NOC4L: variants seen among roughly 807,000 people sequenced by gnomAD.
NOC4L encodes nucleolar complex associated 4 homolog.
Under a neutral mutation model 62.8 loss-of-function variants are expected in NOC4L, and 40 were observed. That is an observed-to-expected ratio of 0.64 (90% CI 0.49 to 0.83). The LOEUF is 0.83. NOC4L is among the 40% of genes least tolerant of loss of function. The pLI is 0.00. For synonymous variants in NOC4L, 433 were observed against 299.8 expected (o/e 1.44, Z -4.59); for missense variants, 927 against 701.9 (o/e 1.32, Z -3.62).
intron 9 of NOC4L, 89 bp from the exon 10 acceptor site, chr12:132,150,892 C>G: frequency 1.0e-6 from 1 of 958,548 alleles, no homozygotes; most frequent in Non-Finnish European, 1.6e-6. Flanking sequence ...GGGCAGAGGC[C>G]ACACTCCACA....
Position 132,147,401 on chromosome 12 carries a change from C to T in NOC4L, c.453+13C>T. 2 of 1,539,358 alleles carry T rather than the reference C, an allele frequency of 1.3e-6. No homozygotes were observed. Among genetic ancestry groups the T allele is most frequent in the African/African-American group, 2.7e-5 (2 of 73,638 alleles). ...AGAGCTCTTCAAGGTGAGGGCCTTG[C>T]TGGGGACTCCCAGAGGGCCTGGCTG... is the stretch of plus-strand genomic sequence containing the variant. On this transcript the variant is annotated intron_variant, in intron 4 of 14. Coordinates refer to ENST00000330579, the MANE Select transcript of NOC4L (RefSeq NM_024078.3).
At chr12:132,151,432 G>T in intron 11 of NOC4L, 52 bp from the exon 12 acceptor site, 1 of 1,601,226 alleles carries the variant, frequency 6.2e-7, no homozygotes. Flanking sequence ...CCAGGGGAGG[G>T]TGGTGGGGGC....
Position 132,151,522 on chromosome 12 carries a change from G to C in NOC4L, c.1112G>C (p.Arg371Pro). 1 of 1,606,934 alleles carries C rather than the reference G, an allele frequency of 6.2e-7. No homozygotes were observed. The highest frequency in any genetic ancestry group is 2.2e-5 in the East Asian group (1 of 44,816). ...TACCTGGTGGCCGCCTTCGCCAAGC[G>C]GCTGGCCCGCCTGGCCCTGACGGCT... The part of the protein sequence containing the change: ...PAYLVAAFAK[R>P]LARLALTAPP... Residue 371 changes from arginine to proline, a missense_variant, in exon 12 of 15, where the codon CGG (arginine) becomes CCG (proline). Transcript: ENST00000330579.
chr12:132,146,299 A>G (rs1186691114), intron 3 of NOC4L: 12 of 455,864 alleles, frequency 2.6e-5, no homozygotes, highest in Middle Eastern at 3.2e-4. Context: ...GGCGTGTTCG[A>G]AGTTCGTTCT....
chr12:132,144,522 C>G lies in NOC4L; in HGVS notation c.34C>G (p.Arg12Gly), dbSNP rs556531728. The change falls in exon 1 of 15, where the codon CGG becomes GGG. Residue 12 changes from arginine to glycine, a missense_variant. Coordinates refer to ENST00000330579, the MANE Select transcript of NOC4L (RefSeq NM_024078.3). Reference protein sequence around the residue: ...EREPGAAGVRRALGRRLEAVL... With the variant: ...EREPGAAGVRGALGRRLEAVL... ...GGAGCCGGGCGCCGCGGGAGTTCGCCGGGCTCTGGGCCGCCGGCTGGAGGC... is the reference window on the plus strand; with the variant it reads ...GGAGCCGGGCGCCGCGGGAGTTCGCGGGGCTCTGGGCCGCCGGCTGGAGGC... 3 of 1,517,430 alleles carry G rather than the reference C, an allele frequency of 2.0e-6. No individual in the cohort carries two copies. The highest frequency in any genetic ancestry group is 2.9e-5 in the African/African-American group (2 of 69,700). 94.0% of individuals were successfully genotyped at this position (1,517,430 alleles called of 1,614,324 possible).
chr12:132,144,472 T>G lies in NOC4L; in HGVS notation c.-17T>G. 2.0e-6 allele frequency: 3 copies of G among 1,509,052 alleles called. No homozygotes were observed. In the Middle Eastern group the frequency reaches 7.1e-4, roughly 359 times the overall value. The allele number at this position is 1,509,052 out of a possible 1,614,324, so 93.5% of individuals were successfully genotyped here. A position where few individuals can be genotyped will look rare whatever the true frequency, so the allele number is the denominator to read the frequency against. On this transcript the variant is annotated 5_prime_UTR_variant, in exon 1 of 15. Coordinates refer to ENST00000330579, the MANE Select transcript of NOC4L (RefSeq NM_024078.3). ...GCCGGCGGCTGAGAATCCGCGTTGTTCCGTGTTGGGGGCGGCATGGAGCGG... is the reference window on the plus strand; with the variant it reads ...GCCGGCGGCTGAGAATCCGCGTTGTGCCGTGTTGGGGGCGGCATGGAGCGG...
At chr12:132,144,736 C>T (rs1358651901) in intron 1 of NOC4L, 118 bp from the exon 2 acceptor site, 15 of 1,036,950 alleles carry the variant, frequency 1.4e-5, no homozygotes, top group African/African-American at 1.4e-4. Context: ...GTGTGGGTCA[C>T]GGGTCGGGGG....
chr12:132,148,704 C>T (rs754909734), intron 8 of NOC4L, 45 bp downstream of exon 8: 4 of 1,521,384 alleles, frequency 2.6e-6, no homozygotes, highest in African/African-American at 1.4e-5. Context: ...ATCCGGGTCT[C>T]CCCCAGGGCG....
In NOC4L at chr12:132,147,653, G is replaced by T; in HGVS notation, c.474G>T (p.Leu158=). The T allele has an allele frequency of 6.2e-7, 1 of 1,612,880 alleles. No individual in the cohort carries two copies. Among genetic ancestry groups the T allele is most frequent in the East Asian group, 2.2e-5 (1 of 44,876 alleles). Residue 158 remains leucine (L), a synonymous_variant, in exon 5 of 15, where the codon CTG becomes CTT. Transcript: ENST00000330579. ...ELFKLVVGGL[L]SPEEDQSLLL... Reference sequence around the variant, plus strand: ...CCTAGTTGGTGGTGGGAGGCCTGCTGTCTCCTGAGGAGGACCAGAGCCTGC... The same window carrying T: ...CCTAGTTGGTGGTGGGAGGCCTGCTTTCTCCTGAGGAGGACCAGAGCCTGC...
chr12:132,147,942 G>T lies in NOC4L; in HGVS notation c.666G>T (p.Arg222=), dbSNP rs1897787826. Reference sequence around the variant, plus strand: ...TGTCTGCCGTGAGCCTGCCCCGCCGGGAGCCCACCGTCTCCAGCTTCTATG... The same window carrying T: ...TGTCTGCCGTGAGCCTGCCCCGCCGTGAGCCCACCGTCTCCAGCTTCTATG... The part of the protein sequence containing the change: ...TLLSAVSLPR[R]EPTVSSFYVK... The change falls in exon 6 of 15, where the codon CGG becomes CGT. Residue 222 remains arginine, a synonymous_variant. Coordinates refer to ENST00000330579, the MANE Select transcript of NOC4L (RefSeq NM_024078.3). 1.2e-6 allele frequency: 2 copies of T among 1,608,234 alleles called. No individual in the cohort carries two copies. The highest frequency in any genetic ancestry group is 1.7e-6 in the Non-Finnish European group (2 of 1,177,896).
In NOC4L at chr12:132,152,121, C is replaced by T. The variant is rs1593433583; in HGVS notation, c.1355C>T (p.Ala452Val). The T allele has an allele frequency of 1.2e-6, 2 of 1,612,242 alleles. No individual in the cohort carries two copies. The highest frequency in any genetic ancestry group is 4.5e-5 in the East Asian group (2 of 44,874). ...QRHYHPEVSK[A>V]ASVINQALSM... is the part of the protein sequence containing the mutation. Reference sequence around the variant, plus strand: ...CACTACCACCCTGAGGTGTCCAAAGCCGCCAGCGTCATCAACCAGGCCCTG... The same window carrying T: ...CACTACCACCCTGAGGTGTCCAAAGTCGCCAGCGTCATCAACCAGGCCCTG... The change falls in exon 14 of 15, where the codon GCC becomes GTC. Residue 452 changes from alanine to valine, a missense_variant. Physicochemically the swap from Ala to Val is moderately conservative, Grantham distance 64. Transcript: ENST00000330579.
intron 8 of NOC4L, 25 bp from the exon 9 acceptor site, chr12:132,148,758 AC>A (rs1897826382): frequency 6.9e-6 from 2 of 291,608 alleles, no homozygotes; most frequent in East Asian, 2.5e-4. Flanking sequence ...CCCGCCCCTC[AC>A]CCCCACCTGC....
At position 132,151,814 on chromosome 12, in the gene NOC4L, G is replaced by A. The variant is rs779215386; in HGVS notation, c.1311G>A (p.Glu437=). ...QSRALESSLW[E]LQALQRHYHP... ...GGGCCTTGGAGAGCTCCCTGTGGGA[G>A]CTTCAGGTGAGGGCGCTGCTGCCAC... The change falls in exon 13 of 15, where the codon GAG becomes GAA. Residue 437 remains glutamate, a synonymous_variant. Coordinates refer to ENST00000330579, the MANE Select transcript of NOC4L (RefSeq NM_024078.3). 10 of 1,611,472 alleles carry A rather than the reference G, an allele frequency of 6.2e-6. No individual in the cohort carries two copies. In the South Asian group the frequency reaches 1.1e-4, roughly 18 times the overall value.
chr12:132,151,685 C>T (rs770316161), intron 12 of NOC4L, 41 bp downstream of exon 12: 46 of 1,611,484 alleles, frequency 2.9e-5, no homozygotes, highest in Non-Finnish European at 3.6e-5. Context: ...GGAGCTGGGG[C>T]GGGGGTGCCT....
intron 2 of NOC4L, among the ~76,000 whole-genome samples, 185 bp downstream of exon 2, chr12:132,145,159 T>C (rs1363445508): frequency 6.6e-6 from 1 of 152,244 alleles, no homozygotes; most frequent in Non-Finnish European, 1.5e-5. Context: ...GCCCTGCAGC[T>C]GAGTGTAGAT....
chr12:132,147,064 C>A (rs1897751738), intron 3 of NOC4L, among the ~76,000 whole-genome samples: 1 of 152,226 alleles, frequency 6.6e-6, no homozygotes, highest in Admixed American at 6.5e-5. Flanking sequence ...CTGTCGTGAG[C>A]ACTGGATCTC....
rs764595682 is a variant in NOC4L at position 132,150,971 on chromosome 12, CTGT to C, written c.902-9_902-7del. The C allele has an allele frequency of 8.1e-6, 13 of 1,601,018 alleles. No homozygotes were observed. The Admixed American group carries it at 1.4e-4, about 17-fold the overall frequency. ...CACTGCAGCTCCAGCCTGTGTCTGT[CTGT>C]CTGCAGGGGGGGCCCTCAGCCTCTT... On this transcript the variant is annotated splice_region_variant and splice_polypyrimidine_tract_variant and intron_variant, in intron 9 of 14. Transcript: ENST00000330579.
Position 132,148,034 on chromosome 12 carries a change from T to C in NOC4L, c.704-38T>C, listed in dbSNP as rs977920936. 8.7e-6 allele frequency: 14 copies of C among 1,613,362 alleles called. No homozygotes were observed. In the African/African-American group the frequency reaches 1.6e-4, roughly 18 times the overall value. On this transcript the variant is annotated intron_variant, in intron 6 of 14. Coordinates refer to ENST00000330579, the MANE Select transcript of NOC4L (RefSeq NM_024078.3). ...GGGCTGAGCCTTGGTCTGCCTCCCC[T>C]GCGGGTCAGGTGACCTTTGCCCTCG... is the stretch of plus-strand genomic sequence containing the variant.
intron 3 of NOC4L, chr12:132,146,367 T>G (rs1350559662): frequency 2.2e-6 from 1 of 454,712 alleles, no homozygotes; most frequent in Admixed American, 2.3e-5. Flanking sequence ...CAGCCGCTCG[T>G]AGGTTGCTGG....
Sources: gnomAD v4.1 joint callset for allele counts (sites outside exome capture counted in the v4.1 genomes callset) on GRCh38, gnomAD v4.1.1 for gene constraint, MANE v1.5 for transcripts, NCBI Gene and HGNC (gene_info 2026-07-23, HGNC 2026-07-21) for gene names.